DOCK10: variants seen among roughly 807,000 people sequenced by gnomAD.
DOCK10 encodes dedicator of cytokinesis protein 10.
In DOCK10, 145 loss-of-function variants were observed where a neutral mutation model predicts 280.1. The observed-to-expected ratio is 0.52, with a 90% CI of 0.45 to 0.59. The LOEUF is 0.59. Among genes scored for constraint, DOCK10 ranks in the 20% least tolerant of loss-of-function variants. DOCK10 has a pLI of 0.00. For missense variants in DOCK10, 2,368 were observed against 2,651.7 expected (o/e 0.89, Z 2.35); for synonymous variants, 915 against 942.2 (o/e 0.97, Z 0.53).
intron 1 of DOCK10, among the ~76,000 whole-genome samples, chr2:225,029,707 T>C (rs1044541509): frequency 6.6e-6 from 1 of 152,212 alleles, no homozygotes; most frequent in Admixed American, 6.5e-5. Context: ...AAGCATGTTT[T>C]TGTGAAGAGA....
intron 1 of DOCK10, among the ~76,000 whole-genome samples, chr2:224,986,750 C>A (rs983744106): frequency 6.6e-6 from 1 of 152,168 alleles, no homozygotes; most frequent in Non-Finnish European, 1.5e-5. Context: ...TCTTCAACTT[C>A]CAGCCTCTAA....
intron 2 of DOCK10, among the ~76,000 whole-genome samples, chr2:224,919,665 G>A (rs1202104302): frequency 2.2e-5 from 2 of 90,698 alleles, no homozygotes; most frequent in Admixed American, 1.3e-4. Context: ...TAGAGTGTGC[G>A]TGTGTCTGTC....
In DOCK10 at chr2:225,006,990, T is replaced by C. The variant is rs1689288996; in HGVS notation, c.123+35262A>G. Reference sequence around the variant, plus strand: ...GATGTGTGAAGACAGGCTAGAAGGTTTGAGAATGCATAAATGTGTCACAAA... The same window carrying C: ...GATGTGTGAAGACAGGCTAGAAGGTCTGAGAATGCATAAATGTGTCACAAA... On this transcript the variant is annotated intron_variant, in intron 1 of 55. Coordinates refer to ENST00000258390, the MANE Select transcript of DOCK10 (RefSeq NM_014689.3). Among the ~76,000 whole-genome samples, 2 of 152,158 alleles carry C rather than the reference T, an allele frequency of 1.3e-5. 1 individual carries two copies. Among genetic ancestry groups the C allele is most frequent in the South Asian group, 4.2e-4 (2 of 4,812 alleles).
chr2:224,951,781 G>C (rs945006195), intron 1 of DOCK10, among the ~76,000 whole-genome samples: 2 of 152,132 alleles, frequency 1.3e-5, no homozygotes, highest in Admixed American at 1.3e-4. Flanking sequence ...GGAGGCTCCA[G>C]GGGAGAAGCT....
chr2:225,007,973 G>C (rs1689322287), intron 1 of DOCK10, among the ~76,000 whole-genome samples: 1 of 151,786 alleles, frequency 6.6e-6, no homozygotes, highest in Non-Finnish European at 1.5e-5. Context: ...TTTCAATGGA[G>C]TGGGGGCAAA....
intron 4 of DOCK10, among the ~76,000 whole-genome samples, chr2:224,894,233 G>GT (rs1377351494): frequency 6.6e-6 from 1 of 152,218 alleles, no homozygotes; most frequent in Admixed American, 6.5e-5. Context: ...TCCGGGATTG[G>GT]TTTTTTCTAG....
chr2:225,003,989 AATG>A (rs1351527437), intron 1 of DOCK10, among the ~76,000 whole-genome samples: 7 of 152,190 alleles, frequency 4.6e-5, no homozygotes, highest in Non-Finnish European at 8.8e-5. Context: ...GTTATCATAA[AATG>A]ATGATAACAT....
intron 27 of DOCK10, among the ~76,000 whole-genome samples, chr2:224,829,865 C>G (rs6713274): frequency 0.33 from 50,274 of 151,954 alleles, 10,670 homozygotes; most frequent in African/African-American, 0.6. Context: ...CATCAGGGTC[C>G]CTCTTCTAAG....
chr2:225,030,755 T>C (rs1199172184), intron 1 of DOCK10, among the ~76,000 whole-genome samples: 1 of 152,202 alleles, frequency 6.6e-6, no homozygotes, highest in Non-Finnish European at 1.5e-5. Flanking sequence ...TTCAATTCAA[T>C]TTGCTATAAT....
chr2:225,042,215 G>T lies in DOCK10; in HGVS notation c.123+37C>A. ...GGCTCCGTTCCCCCCGGGCGCCTGG[G>T]GCGCGCGGGAAGGCGCGGAGGACGC... On this transcript the variant is annotated intron_variant, in intron 1 of 55. Transcript: ENST00000258390. The surrounding 1 kb of genome is among the most constrained non-coding windows in gnomAD (Gnocchi z 5.1). 8.1e-7 allele frequency: 1 copy of T among 1,237,530 alleles called. No individual in the cohort carries two copies. The highest frequency in any genetic ancestry group is 1.6e-5 in the African/African-American group (1 of 63,972). 76.7% of individuals were successfully genotyped at this position (1,237,530 alleles called of 1,614,324 possible). A position where few individuals can be genotyped will look rare whatever the true frequency, so the allele number is the denominator to read the frequency against.
chr2:224,967,380 G>T (rs367649609), intron 1 of DOCK10, among the ~76,000 whole-genome samples: 19 of 152,146 alleles, frequency 1.2e-4, no homozygotes, highest in African/African-American at 3.9e-4. Context: ...GCGCCCAGCC[G>T]GCCTATCCTC....
rs141390627 is a variant in DOCK10, at chr2:224,770,460, T to C, written c.6305+85A>G. ...TGATGGACTCTGCCACCTCAGTGAG[T>C]TTTGGTGTGATGGATTCTTGGGGGA... On this transcript the variant is annotated intron_variant, in intron 54 of 55. Coordinates refer to ENST00000258390, the MANE Select transcript of DOCK10 (RefSeq NM_014689.3). This position sits in a 1 kb window ranked among gnomAD's most constrained non-coding sequence, Gnocchi z 4.5. 4.1e-3 allele frequency: 6,449 copies of C among 1,571,042 alleles called. 21 individuals are homozygous for C. The highest frequency in any genetic ancestry group is 5.3e-3 in the Non-Finnish European group (6,034 of 1,149,146).
At chr2:224,821,095 T>C (rs1694476295) in intron 28 of DOCK10, among the ~76,000 whole-genome samples, 1 of 152,214 alleles carries the variant, frequency 6.6e-6, no homozygotes, top group African/African-American at 2.4e-5. Flanking sequence ...AGAGAATAGT[T>C]GAGAAATGTA....
chr2:224,937,898 T>G (rs956538630), intron 1 of DOCK10, among the ~76,000 whole-genome samples: 1 of 152,188 alleles, frequency 6.6e-6, no homozygotes, highest in Non-Finnish European at 1.5e-5. Flanking sequence ...AGCTCTGACC[T>G]ACACAGATAC....
chr2:224,898,370 C>A (rs1700102899), intron 3 of DOCK10, among the ~76,000 whole-genome samples: 1 of 152,130 alleles, frequency 6.6e-6, no homozygotes, highest in South Asian at 2.1e-4. Flanking sequence ...AGGAGGATGA[C>A]AGCTATGAAG....
At chr2:224,797,776 T>C in intron 42 of DOCK10, 56 bp downstream of exon 42, 1 of 1,568,970 alleles carries the variant, frequency 6.4e-7, no homozygotes, top group Non-Finnish European at 8.7e-7. Context: ...AGGTTTACTA[T>C]TCTATGGGTT....
At chr2:224,852,238 GTA>G (rs1696793732) in intron 18 of DOCK10, 137 bp downstream of exon 18, 1 of 631,454 alleles carries the variant, frequency 1.6e-6, no homozygotes, top group African/African-American at 1.8e-5. Context: ...GTTAAATCAG[GTA>G]TGTTTCAGAT....
chr2:224,904,772 G>T (rs16866319), intron 3 of DOCK10, among the ~76,000 whole-genome samples: 1,672 of 152,118 alleles, frequency 0.011, 44 homozygotes, highest in African/African-American at 0.038. Context: ...AAGGCATTTT[G>T]GTCAAAAGAA....
Position 224,963,301 on chromosome 2 carries a change from G to A in DOCK10, c.124-31633C>T, listed in dbSNP as rs142305628. ...AGCCTTGCCTGATGCCTCTACATTA[G>A]ACAATAATCCTAAGGATTTCTACTG... On this transcript the variant is annotated intron_variant, in intron 1 of 55. Coordinates refer to ENST00000258390, the MANE Select transcript of DOCK10 (RefSeq NM_014689.3). Among the ~76,000 whole-genome samples, 57 of 152,260 alleles carry A rather than the reference G, an allele frequency of 3.7e-4. No homozygotes were observed. The East Asian group carries it at 8.9e-3, about 24-fold the overall frequency.
Sources: allele counts gnomAD v4.1 joint callset (sites outside exome capture counted in the v4.1 genomes callset), GRCh38; gene constraint gnomAD v4.1.1; non-coding constraint Gnocchi (gnomAD v3.1); transcripts MANE v1.5; gene names NCBI Gene and HGNC (gene_info 2026-07-23, HGNC 2026-07-21).